SLC9C2: variants seen among roughly 807,000 people sequenced by gnomAD.
The protein encoded by SLC9C2 is sodium/hydrogen exchanger 11.
SLC9C2 carries 75 observed loss-of-function variants against 140.2 expected under a neutral mutation model. The ratio of observed to expected loss-of-function variants is 0.53; its 90% CI spans 0.44 to 0.65. The LOEUF (loss-of-function observed/expected upper bound fraction) is 0.65. Among genes scored for constraint, SLC9C2 ranks in the 30% least tolerant of loss-of-function variants. The probability of loss-of-function intolerance (pLI) is 0.00; values close to 1 mark genes in which losing one functional copy is unlikely to be tolerated. For missense variants in SLC9C2, 1,074 were observed against 1,331.8 expected (o/e 0.81, Z 3.01); for synonymous variants, 375 against 420.9 (o/e 0.89, Z 1.34).
intron 10 of SLC9C2, 54 bp from the exon 11 acceptor site, chr1:173,554,868 A>G: frequency 9.4e-7 from 1 of 1,060,534 alleles, no homozygotes; most frequent in East Asian, 2.4e-5. Context: ...AAGTTCTCCA[A>G]AAGCAATCAT....
At chr1:173,526,222 A>G (rs1436620360) in intron 19 of SLC9C2, among the ~76,000 whole-genome samples, 1 of 152,252 alleles carries the variant, frequency 6.6e-6, no homozygotes. Flanking sequence ...GTAGATACTC[A>G]GGAAATGACA....
At position 173,524,693 on chromosome 1, in the gene SLC9C2, A is replaced by AT. The variant is rs57610853; in HGVS notation, c.2514+85dup. On this transcript the variant is annotated intron_variant, in intron 20 of 27. Coordinates refer to ENST00000367714, the MANE Select transcript of SLC9C2 (RefSeq NM_178527.4). ...TAGAGTTAACACCTGTGGTTAAACA[A>AT]TTTTTTCAATCTCCCTCCTTATTAC... 13,084 of 1,477,900 alleles carry AT rather than the reference A, an allele frequency of 8.9e-3. 1,069 individuals are homozygous for AT. The African/African-American group carries it at 0.17, about 19-fold the overall frequency. 91.5% of individuals were successfully genotyped at this position (1,477,900 alleles called of 1,614,324 possible).
rs372849188 is a variant in SLC9C2, at chr1:173,533,817, C to G, written c.1975-20G>C. 1.9e-6 allele frequency: 3 copies of G among 1,585,742 alleles called. No individual in the cohort carries two copies. Among genetic ancestry groups the G allele is most frequent in the Non-Finnish European group, 2.6e-6 (3 of 1,165,854 alleles). On this transcript the variant is annotated intron_variant, in intron 16 of 27. Coordinates refer to ENST00000367714, the MANE Select transcript of SLC9C2 (RefSeq NM_178527.4). ...TATTATCTGTACAGAAAACAAATGT[C>G]ATTTCATAGCACCTATACAGTAATG...
chr1:173,516,535 G>A (rs190193761), intron 23 of SLC9C2, among the ~76,000 whole-genome samples: 1 of 152,052 alleles, frequency 6.6e-6, no homozygotes, highest in South Asian at 2.1e-4. Flanking sequence ...TCATCATTTA[G>A]CTCCCACTTA....
chr1:173,567,195 G>T (rs1216350138), intron 9 of SLC9C2, among the ~76,000 whole-genome samples: 1 of 152,048 alleles, frequency 6.6e-6, no homozygotes, highest in Non-Finnish European at 1.5e-5. Flanking sequence ...TTGTTCCATG[G>T]TGCAAATTAA....
chr1:173,589,799 G>A (rs116224051), intron 4 of SLC9C2, among the ~76,000 whole-genome samples: 1,759 of 152,260 alleles, frequency 0.012, 44 homozygotes, highest in African/African-American at 0.041. Flanking sequence ...ATTCAATTAA[G>A]CCTAGCAGTA....
At chr1:173,581,021 T>C (rs925111542) in intron 7 of SLC9C2, among the ~76,000 whole-genome samples, 2 of 152,202 alleles carry the variant, frequency 1.3e-5, no homozygotes, top group Admixed American at 1.3e-4. Context: ...GAGCGTTCAA[T>C]GAATGCTTTC....
At position 173,595,569 on chromosome 1, in the gene SLC9C2, GAGAA is replaced by G. The variant is rs1264973778; in HGVS notation, c.357+2331_357+2334del. On this transcript the variant is annotated intron_variant, in intron 4 of 27. Coordinates refer to ENST00000367714, the MANE Select transcript of SLC9C2 (RefSeq NM_178527.4). The stretch of plus-strand genomic sequence containing the variant: ...CGAAAAATTTTAACTTTCTGTAAGT[GAGAA>G]AGAGAGGGAGACTGCATATTGGATA... Among the ~76,000 whole-genome samples the G allele has an allele frequency of 4.6e-5, 7 of 152,226 alleles. No individual in the cohort carries two copies. In the South Asian group the frequency reaches 6.2e-4, roughly 14 times the overall value.
At chr1:173,531,284 C>T (rs148751224) in intron 17 of SLC9C2, among the ~76,000 whole-genome samples, 2 of 152,286 alleles carry the variant, frequency 1.3e-5, no homozygotes, top group East Asian at 3.9e-4. Context: ...GAAGGGATGA[C>T]TAGTTCAGAA....
intron 9 of SLC9C2, among the ~76,000 whole-genome samples, chr1:173,572,698 A>G (rs1366478901): frequency 6.6e-6 from 1 of 152,228 alleles, no homozygotes; most frequent in East Asian, 1.9e-4. Context: ...TATTCACATC[A>G]ATGGCATACA....
chr1:173,539,913 T>C (rs1299221384), intron 13 of SLC9C2, among the ~76,000 whole-genome samples: 1 of 152,214 alleles, frequency 6.6e-6, no homozygotes, highest in African/African-American at 2.4e-5. Context: ...CAGTGTGTCA[T>C]GCCTCTCTGT....
chr1:173,519,780 T>C (rs147043815), intron 22 of SLC9C2, among the ~76,000 whole-genome samples: 1 of 152,182 alleles, frequency 6.6e-6, no homozygotes, highest in Non-Finnish European at 1.5e-5. Context: ...TTCAAAGTAA[T>C]CTTTGGCCTC....
intron 19 of SLC9C2, 132 bp from the exon 20 acceptor site, chr1:173,525,059 G>C (rs1661101948): frequency 2.0e-6 from 2 of 1,003,750 alleles, no homozygotes; most frequent in African/African-American, 1.7e-5. Flanking sequence ...CAGAACTCAT[G>C]AGGTCAGCAG....
Position 173,583,627 on chromosome 1 carries a change from A to G in SLC9C2, c.524-5T>C. Reference sequence around the variant, plus strand: ...CAATGTATATTTTAGAAATGCCTGAAAAAGGAAATACAAAATGTAACTCAA... The same window carrying G: ...CAATGTATATTTTAGAAATGCCTGAGAAAGGAAATACAAAATGTAACTCAA... On this transcript the variant is annotated splice_region_variant and splice_polypyrimidine_tract_variant and intron_variant, in intron 5 of 27. Coordinates refer to ENST00000367714, the MANE Select transcript of SLC9C2 (RefSeq NM_178527.4). 7.0e-7 allele frequency: 1 copy of G among 1,425,236 alleles called. No individual in the cohort carries two copies. The highest frequency in any genetic ancestry group is 9.7e-7 in the Non-Finnish European group (1 of 1,034,926). 88.3% of individuals were successfully genotyped at this position (1,425,236 alleles called of 1,614,324 possible).
intron 18 of SLC9C2, among the ~76,000 whole-genome samples, chr1:173,528,762 C>T (rs780416346): frequency 2.8e-4 from 42 of 152,184 alleles, no homozygotes; most frequent in Admixed American, 2.0e-4. Context: ...TTAAATCCAT[C>T]TCCAGTTAAA....
At chr1:173,554,924 A>T in intron 10 of SLC9C2, 110 bp from the exon 11 acceptor site, 2 of 726,194 alleles carry the variant, frequency 2.8e-6, no homozygotes, top group East Asian at 2.6e-5. Flanking sequence ...CTTAATCCAC[A>T]TTTTAAAATC....
intron 9 of SLC9C2, among the ~76,000 whole-genome samples, chr1:173,569,875 T>C (rs1394364448): frequency 1.3e-5 from 2 of 152,138 alleles, no homozygotes; most frequent in South Asian, 2.1e-4. Flanking sequence ...ATTCAAACCA[T>C]AAGACAAAGT....
chr1:173,524,266 C>A (rs928642866), intron 20 of SLC9C2, among the ~76,000 whole-genome samples, 172 bp from the exon 21 acceptor site: 7 of 152,166 alleles, frequency 4.6e-5, no homozygotes, highest in Non-Finnish European at 7.4e-5. Flanking sequence ...TGTCCCTAGT[C>A]TCCCCTTATT....
At chr1:173,564,533 C>T (rs1330247562) in intron 9 of SLC9C2, among the ~76,000 whole-genome samples, 2 of 152,070 alleles carry the variant, frequency 1.3e-5, no homozygotes, top group African/African-American at 2.4e-5. Flanking sequence ...ATCTTTTGCC[C>T]ATTTTTTAAT....
Sources: allele counts gnomAD v4.1 joint callset (sites outside exome capture counted in the v4.1 genomes callset), GRCh38; gene constraint gnomAD v4.1.1; transcripts MANE v1.5; gene names NCBI Gene and HGNC (gene_info 2026-07-23, HGNC 2026-07-21).